PIEZO2: variants seen among roughly 807,000 people sequenced by gnomAD.
PIEZO2 encodes piezo-type mechanosensitive ion channel component 2.
In PIEZO2, 172 loss-of-function variants were observed where a neutral mutation model predicts 337.3. The ratio of observed to expected loss-of-function variants is 0.51; its 90% CI spans 0.45 to 0.58. The LOEUF (loss-of-function observed/expected upper bound fraction) is 0.58. Among genes scored for constraint, PIEZO2 ranks in the 20% least tolerant of loss-of-function variants. The probability of loss-of-function intolerance (pLI) is 0.00; values close to 1 mark genes in which losing one functional copy is unlikely to be tolerated. For missense variants in PIEZO2, 3,028 were observed against 3,391.3 expected, an observed-to-expected ratio of 0.89 and a Z score of 2.66; for synonymous variants, 1,251 against 1,228.5, an observed-to-expected ratio of 1.02 and a Z score of -0.38.
At chr18:11,123,892 A>T (rs2040105159) in intron 1 of PIEZO2, among the ~76,000 whole-genome samples, 1 of 152,156 alleles carries the variant, frequency 6.6e-6, no homozygotes, top group Non-Finnish European at 1.5e-5. Flanking sequence ...ATAAACTAAG[A>T]TTGCTGAAAG....
chr18:10,931,191 G>GTATTTATT (rs554428411), intron 3 of PIEZO2, among the ~76,000 whole-genome samples: 25 of 151,662 alleles, frequency 1.6e-4, no homozygotes, highest in Admixed American at 7.9e-4. Flanking sequence ...TAATTTTATT[G>GTATTTATT]TATTTATTTA....
chr18:10,815,854 T>G lies in PIEZO2; in HGVS notation c.918-8580A>C, dbSNP rs895640061. On this transcript the variant is annotated intron_variant, in intron 7 of 55. Transcript: ENST00000674853. The surrounding 1 kb of genome is among the most constrained non-coding windows in gnomAD (Gnocchi z 4.1). Reference sequence around the variant, plus strand: ...AATTTCTACCCAGTTATACAGCTCATGAGGTGGAGGCCTAGGTGATGCTTG... The same window carrying G: ...AATTTCTACCCAGTTATACAGCTCAGGAGGTGGAGGCCTAGGTGATGCTTG... Among the ~76,000 whole-genome samples, 1 of 152,210 alleles carries G rather than the reference T, an allele frequency of 6.6e-6. No homozygotes were observed. The highest frequency in any genetic ancestry group is 2.4e-5 in the African/African-American group (1 of 41,468).
In PIEZO2 at chr18:10,859,807, C is replaced by G. The variant is rs1041615238; in HGVS notation, c.493-2596G>C. Among the ~76,000 whole-genome samples the G allele has an allele frequency of 2.6e-5, 4 of 152,172 alleles. No individual in the cohort carries two copies. The highest frequency in any genetic ancestry group is 9.7e-5 in the African/African-American group (4 of 41,432). On this transcript the variant is annotated intron_variant, in intron 5 of 55. Transcript: ENST00000674853. The surrounding 1 kb of genome is among the most constrained non-coding windows in gnomAD (Gnocchi z 4.9). ...ACATGATTTGCTTTGCCACATAACT[C>G]TAGTTGCTCCTGGGGCGGAGCAGAG...
intron 7 of PIEZO2, among the ~76,000 whole-genome samples, chr18:10,829,070 A>T (rs984428808): frequency 2.0e-5 from 3 of 152,178 alleles, no homozygotes; most frequent in Non-Finnish European, 2.9e-5. Flanking sequence ...CACATGACTT[A>T]TTGCATTTGA....
intron 2 of PIEZO2, 109 bp downstream of exon 2, chr18:11,066,018 T>G: frequency 1.2e-6 from 1 of 838,770 alleles, no homozygotes; most frequent in Non-Finnish European, 1.9e-6. Context: ...ATATTAGCCC[T>G]GCTGCATAGA....
intron 1 of PIEZO2, among the ~76,000 whole-genome samples, chr18:11,106,983 T>C (rs556080075): frequency 5.7e-4 from 87 of 152,248 alleles, no homozygotes; most frequent in African/African-American, 1.9e-3. Context: ...TAAGCAGAGC[T>C]CTTGACTAGG....
intron 1 of PIEZO2, among the ~76,000 whole-genome samples, chr18:11,095,086 T>G (rs916299802): frequency 6.6e-6 from 1 of 152,256 alleles, no homozygotes; most frequent in Non-Finnish European, 1.5e-5. Flanking sequence ...AGGGAGACAC[T>G]GATTGAGTTC....
intron 5 of PIEZO2, among the ~76,000 whole-genome samples, chr18:10,867,317 C>T (rs893006277): frequency 6.6e-6 from 1 of 152,136 alleles, no homozygotes; most frequent in African/African-American, 2.4e-5. Context: ...AAAAAAACAG[C>T]AACTTGAACC....
chr18:11,021,524 G>T lies in PIEZO2; in HGVS notation c.161-41864C>A, dbSNP rs2036310120. Among the ~76,000 whole-genome samples, 1 of 152,062 alleles carries T rather than the reference G, an allele frequency of 6.6e-6. No individual in the cohort carries two copies. The highest frequency in any genetic ancestry group is 1.5e-5 in the Non-Finnish European group (1 of 68,010). ...GTTGAGTTTCTGAGCAGACTCTCCT[G>T]CTTCAGCCGCCAATGGCGTTTAGTC... On this transcript the variant is annotated intron_variant, in intron 2 of 55. Transcript: ENST00000674853. This position sits in a 1 kb window ranked among gnomAD's most constrained non-coding sequence, Gnocchi z 4.7.
intron 1 of PIEZO2, among the ~76,000 whole-genome samples, chr18:11,141,624 C>T (rs2040650336): frequency 6.6e-6 from 1 of 152,184 alleles, no homozygotes; most frequent in Non-Finnish European, 1.5e-5. Flanking sequence ...AGCAGTGGCA[C>T]CCACAGTCTC....
intron 52 of PIEZO2, among the ~76,000 whole-genome samples, chr18:10,678,279 G>T (rs935100463): frequency 3.9e-5 from 6 of 152,104 alleles, no homozygotes; most frequent in African/African-American, 1.4e-4. Context: ...CTGTTTTTTT[G>T]TTGTTTTTGT....
Position 10,722,016 on chromosome 18 carries a change from T to C in PIEZO2, c.5030-3757A>G, listed in dbSNP as rs189750189. Among the ~76,000 whole-genome samples the C allele has an allele frequency of 2.2e-3, 331 of 151,972 alleles. 1 individual carries two copies. Among genetic ancestry groups the C allele is most frequent in the African/African-American group, 7.0e-3 (291 of 41,460 alleles). ...GAAAATACAAAAAATTAGCCAAGTG[T>C]GGTGGTATGTGCCTGTAATCCGAGC... On this transcript the variant is annotated intron_variant, in intron 36 of 55. Coordinates refer to ENST00000674853, the MANE Select transcript of PIEZO2 (RefSeq NM_001378183.1).
In PIEZO2 at chr18:10,854,491, TTGCCC is replaced by T. The variant is rs2041646681; in HGVS notation, c.917+857_917+861del. Among the ~76,000 whole-genome samples the T allele has an allele frequency of 6.6e-6, 1 of 152,242 alleles. No homozygotes were observed. The highest frequency in any genetic ancestry group is 1.5e-5 in the Non-Finnish European group (1 of 68,048). On this transcript the variant is annotated intron_variant, in intron 7 of 55. Transcript: ENST00000674853. This position sits in a 1 kb window ranked among gnomAD's most constrained non-coding sequence, Gnocchi z 4.6. Reference sequence around the variant, plus strand: ...GTAATTCTCTAATTCTATTATTCCTTTGCCCTGTCATTATCTAACATCATCCTGCA... The same window carrying T: ...GTAATTCTCTAATTCTATTATTCCTTTGTCATTATCTAACATCATCCTGCA...
At position 10,855,246 on chromosome 18, in the gene PIEZO2, A is replaced by G. The variant is rs917130358; in HGVS notation, c.917+107T>C. ...CACAAAATCTTTGCTTAACACAGCA[A>G]TTGCCTGCCATCAAGAATAACCCCT... is the stretch of plus-strand genomic sequence containing the variant. On this transcript the variant is annotated intron_variant, in intron 7 of 55. Coordinates refer to ENST00000674853, the MANE Select transcript of PIEZO2 (RefSeq NM_001378183.1). This position sits in a 1 kb window ranked among gnomAD's most constrained non-coding sequence, Gnocchi z 4.9. 11 of 995,930 alleles carry G rather than the reference A, an allele frequency of 1.1e-5. No individual in the cohort carries two copies. The highest frequency in any genetic ancestry group is 1.6e-5 in the Non-Finnish European group (11 of 676,392). The allele number at this position is 995,930 out of a possible 1,614,324, so 61.7% of individuals were successfully genotyped here. A position where few individuals can be genotyped will look rare whatever the true frequency, so the allele number is the denominator to read the frequency against.
rs548772856 is a variant in PIEZO2, at chr18:11,027,112, C to T, written c.160+39015G>A. 1.3e-5 allele frequency among the ~76,000 whole-genome samples: 2 copies of T among 152,236 alleles called. No homozygotes were observed. The highest frequency in any genetic ancestry group is 6.5e-5 in the Admixed American group (1 of 15,298). On this transcript the variant is annotated intron_variant, in intron 2 of 55. Coordinates refer to ENST00000674853, the MANE Select transcript of PIEZO2 (RefSeq NM_001378183.1). The surrounding 1 kb of genome is among the most constrained non-coding windows in gnomAD (Gnocchi z 4.2). ...GTAAGAATGAGTGTGTGCATAGCTA[C>T]ACTTATATGACAAACAGCGATTTGG...
chr18:10,717,791 A>C (rs1336095124), intron 37 of PIEZO2, among the ~76,000 whole-genome samples: 3 of 152,204 alleles, frequency 2.0e-5, no homozygotes, highest in Non-Finnish European at 4.4e-5. Context: ...CTAACCTTCT[A>C]GAGTATCACT....
chr18:10,974,122 C>T (rs930999732), intron 3 of PIEZO2, among the ~76,000 whole-genome samples: 6 of 152,290 alleles, frequency 3.9e-5, no homozygotes, highest in African/African-American at 1.2e-4. Context: ...CCACAGTCGT[C>T]GGGATGGGAG....
Position 10,704,441 on chromosome 18 carries a change from G to T in PIEZO2, c.6211C>A (p.Pro2071Thr). Residue 2071 changes from proline to threonine, a missense_variant, in exon 42 of 56, where the codon CCC (proline) becomes ACC (threonine). Transcript: ENST00000674853. ...LIFLWAMLSV[P>T]RPSRRFWMMA... ...ATCCAGAACCGGCGGCTGGGCCTGG[G>T]GACGGACAACATGGCCCAGAGGAAG... 6.5e-7 allele frequency: 1 copy of T among 1,537,198 alleles called. No homozygotes were observed. Among genetic ancestry groups the T allele is most frequent in the Admixed American group, 2.0e-5 (1 of 51,000 alleles).
chr18:11,108,235 C>A (rs2039626466), intron 1 of PIEZO2, among the ~76,000 whole-genome samples: 1 of 152,140 alleles, frequency 6.6e-6, no homozygotes, highest in Non-Finnish European at 1.5e-5. Flanking sequence ...TAAAACATAG[C>A]CAGATTCTAC....
Sources: gnomAD v4.1 joint callset for allele counts (sites outside exome capture counted in the v4.1 genomes callset) on GRCh38, gnomAD v4.1.1 for gene constraint, Gnocchi (gnomAD v3.1) non-coding constraint, MANE v1.5 for transcripts, NCBI Gene and HGNC (gene_info 2026-07-23, HGNC 2026-07-21) for gene names.